Variants in TMPRSS13 observed in about 807,000 individuals in gnomAD.
TMPRSS13 encodes transmembrane protease serine 13.
In TMPRSS13, 50 loss-of-function variants were observed where a neutral mutation model predicts 68.4. The observed-to-expected ratio is 0.73, with a 90% CI of 0.58 to 0.93. TMPRSS13 has a LOEUF of 0.93. Among genes scored for constraint, TMPRSS13 ranks in the 40% least tolerant of loss-of-function variants. The pLI is 0.00. For missense variants in TMPRSS13, 615 were observed against 729.2 expected (o/e 0.84, Z 1.80); for synonymous variants, 267 against 285.8 (o/e 0.93, Z 0.66).
intron 9 of TMPRSS13, chr11:117,907,526 G>A (rs1035908382): frequency 6.6e-6 from 1 of 152,320 alleles, no homozygotes; most frequent in African/African-American, 2.4e-5. Context: ...AGAATGGCTG[G>A]ACTAACCAGA....
chr11:117,910,680 C>G (rs768002108), intron 7 of TMPRSS13, 27 bp downstream of exon 7: 6 of 1,602,200 alleles, frequency 3.7e-6, no homozygotes, highest in Middle Eastern at 1.7e-4. Context: ...CGACACTGGC[C>G]ACAATCCAAG....
intron 8 of TMPRSS13, 60 bp from the exon 9 acceptor site, chr11:117,908,844 C>G (rs888100010): frequency 6.7e-7 from 1 of 1,487,540 alleles, no homozygotes; most frequent in Non-Finnish European, 9.0e-7. Context: ...ACTGGCAGCC[C>G]CTGCTACCTA....
chr11:117,923,229 A>G lies in TMPRSS13; in HGVS notation c.22-4391T>C, dbSNP rs151005355. On this transcript the variant is annotated intron_variant, in intron 1 of 12. Transcript: ENST00000524993. Reference sequence around the variant, plus strand: ...GGAGGGACTAAACCCAAGGCCCCCCACTTCCAGCCCAGGGGTCTCGACACC... The same window carrying G: ...GGAGGGACTAAACCCAAGGCCCCCCGCTTCCAGCCCAGGGGTCTCGACACC... Among the ~76,000 whole-genome samples, 337 of 152,342 alleles carry G rather than the reference A, an allele frequency of 2.2e-3. 1 individual carries two copies. Among genetic ancestry groups the G allele is most frequent in the African/African-American group, 6.5e-3 (271 of 41,582 alleles).
Position 117,905,716 on chromosome 11 carries a change from G to T in TMPRSS13, c.1303C>A (p.Leu435Ile). Reference sequence around the variant, plus strand: ...CTAAAGGTCTGTCCATGCATGGGGAGGCAAGCAGGGTGGATGTGAGCTGCA... The same window carrying T: ...CTAAAGGTCTGTCCATGCATGGGGATGCAAGCAGGGTGGATGTGAGCTGCA... ...TLSAHIHPAC[L>I]PMHGQTFSLN... The change falls in exon 10 of 13, where the codon CTC becomes ATC. Residue 435 changes from leucine (L) to isoleucine (I), a missense_variant. By Grantham distance (5) the Leu-to-Ile change is conservative. Coordinates refer to ENST00000524993, the MANE Select transcript of TMPRSS13 (RefSeq NM_001077263.3). 1 of 1,602,540 alleles carries T rather than the reference G, an allele frequency of 6.2e-7. No homozygotes were observed. Among genetic ancestry groups the T allele is most frequent in the South Asian group, 1.1e-5 (1 of 89,064 alleles).
At chr11:117,918,881 C>T (rs1460352160) in intron 1 of TMPRSS13, 43 bp from the exon 2 acceptor site, 2 of 1,605,272 alleles carry the variant, frequency 1.2e-6, no homozygotes, top group Admixed American at 1.7e-5. Context: ...GCTCCCCTGC[C>T]AACCCACCCC....
At chr11:117,908,960 A>G (rs2057492706) in intron 8 of TMPRSS13, among the ~76,000 whole-genome samples, 176 bp from the exon 9 acceptor site, 1 of 152,166 alleles carries the variant, frequency 6.6e-6, no homozygotes, top group Admixed American at 6.5e-5. Flanking sequence ...AATCCCCCAC[A>G]GCCCCTCAAA....
intron 5 of TMPRSS13, among the ~76,000 whole-genome samples, chr11:117,912,136 A>G (rs898867140): frequency 2.0e-5 from 3 of 152,108 alleles, no homozygotes; most frequent in Admixed American, 6.6e-5. Context: ...TAGCATTAGC[A>G]TTGCCTGGGA....
chr11:117,905,056 A>G (rs1042059422), intron 10 of TMPRSS13, among the ~76,000 whole-genome samples: 5 of 151,026 alleles, frequency 3.3e-5, no homozygotes, highest in African/African-American at 1.2e-4. Flanking sequence ...CACCATGCCC[A>G]GCTAATTTTT....
At chr11:117,927,167 C>A (rs2057715534) in intron 1 of TMPRSS13, among the ~76,000 whole-genome samples, 1 of 152,224 alleles carries the variant, frequency 6.6e-6, no homozygotes, top group Admixed American at 6.5e-5. Flanking sequence ...CTGTACCTCA[C>A]TTCCTTTTTC....
Position 117,914,610 on chromosome 11 carries a change from T to C in TMPRSS13, c.557-96A>G. 4.5e-6 allele frequency: 7 copies of C among 1,566,356 alleles called. No homozygotes were observed. Among genetic ancestry groups the C allele is most frequent in the Non-Finnish European group, 6.0e-6 (7 of 1,160,540 alleles). On this transcript the variant is annotated intron_variant, in intron 3 of 12. Transcript: ENST00000524993. This position sits in a 1 kb window ranked among gnomAD's most constrained non-coding sequence, Gnocchi z 4.2. Reference sequence around the variant, plus strand: ...ACCTGGGGGTTCTGAGACACCGACCTGCAATCCCTCTTGAACTCTGGGGCT... The same window carrying C: ...ACCTGGGGGTTCTGAGACACCGACCCGCAATCCCTCTTGAACTCTGGGGCT...
rs115017742 is a variant in TMPRSS13, at chr11:117,928,088, T to C, written c.21+1199A>G. ...CCGGATAGCTCAGCCCTTCTCACTC[T>C]TGGGTTTAGGGACCATCTAGTTTAG... is the stretch of plus-strand genomic sequence containing the variant. On this transcript the variant is annotated intron_variant, in intron 1 of 12. Transcript: ENST00000524993. Among the ~76,000 whole-genome samples the C allele has an allele frequency of 6.5e-3, 995 of 152,296 alleles. 16 individuals carry two copies. Among genetic ancestry groups the C allele is most frequent in the African/African-American group, 0.023 (941 of 41,580 alleles).
intron 6 of TMPRSS13, 63 bp downstream of exon 6, chr11:117,911,705 A>T: frequency 7.1e-7 from 1 of 1,402,628 alleles, no homozygotes; most frequent in Non-Finnish European, 1.0e-6. Flanking sequence ...CCTGACTCAA[A>T]GACCCTCTCC....
At chr11:117,908,185 T>A in intron 9 of TMPRSS13, 1 of 606,504 alleles carries the variant, frequency 1.6e-6, no homozygotes, top group Non-Finnish European at 2.4e-6. Flanking sequence ...TATCTCTCTG[T>A]AAAGCTCCAT....
At chr11:117,905,998 G>C (rs2057461432) in intron 9 of TMPRSS13, among the ~76,000 whole-genome samples, 1 of 152,236 alleles carries the variant, frequency 6.6e-6, no homozygotes, top group African/African-American at 2.4e-5. Context: ...CCTGTGGTCA[G>C]ATGCGTAAGC....
Position 117,913,767 on chromosome 11 carries a change from T to A in TMPRSS13, c.809+10A>T. 1 of 1,613,672 alleles carries A rather than the reference T, an allele frequency of 6.2e-7. No homozygotes were observed. Reference sequence around the variant, plus strand: ...TGAAGCCTGGACTCTGGGGCCAGGTTGGGGGTTACCTCTCGAAACCCAGCT... The same window carrying A: ...TGAAGCCTGGACTCTGGGGCCAGGTAGGGGGTTACCTCTCGAAACCCAGCT... On this transcript the variant is annotated intron_variant, in intron 5 of 12. Coordinates refer to ENST00000524993, the MANE Select transcript of TMPRSS13 (RefSeq NM_001077263.3).
Position 117,904,107 on chromosome 11 carries a change from G to C in TMPRSS13, c.1382-6C>G. ...GAGGAAGGGGGATGTCTTGTCTTCA[G>C]TGAAGTGGGGTGGAGGAGACAGAGG... On this transcript the variant is annotated splice_region_variant and splice_polypyrimidine_tract_variant and intron_variant, in intron 10 of 12. Transcript: ENST00000524993. 1 of 1,613,472 alleles carries C rather than the reference G, an allele frequency of 6.2e-7. No individual in the cohort carries two copies.
chr11:117,911,990 T>G, intron 5 of TMPRSS13, 130 bp from the exon 6 acceptor site: 1 of 679,656 alleles, frequency 1.5e-6, no homozygotes, highest in Non-Finnish European at 2.5e-6. Context: ...GGTGGCCAAC[T>G]CCTCCAAGCA....
rs771952472 is a variant in TMPRSS13, at chr11:117,909,942, G to T, written c.973C>A (p.Arg325=). 1 of 1,614,098 alleles carries T rather than the reference G, an allele frequency of 6.2e-7. No homozygotes were observed. The highest frequency in any genetic ancestry group is 8.5e-7 in the Non-Finnish European group (1 of 1,179,988). Residue 325 remains arginine, a synonymous_variant, in exon 8 of 13, where the codon CGG becomes AGG. Coordinates refer to ENST00000524993, the MANE Select transcript of TMPRSS13 (RefSeq NM_001077263.3). Reference sequence around the variant, plus strand: ...GAGGCCAGCGCCCCTCCCACGATCCGCCCGGTCATGGCCCTCAGTCCGCAG... The same window carrying T: ...GAGGCCAGCGCCCCTCCCACGATCCTCCCGGTCATGGCCCTCAGTCCGCAG... The part of the protein sequence containing the change: ...SHCGLRAMTG[R]IVGGALASDS...
chr11:117,902,276 G>T lies in TMPRSS13; in HGVS notation c.1678-11C>A, dbSNP rs779361560. 1.2e-6 allele frequency: 2 copies of T among 1,613,486 alleles called. No individual in the cohort carries two copies. The highest frequency in any genetic ancestry group is 1.7e-6 in the Non-Finnish European group (2 of 1,179,864). ...GAATCGCACCTCGCTCTGAGGAAGAGAATGGGAGAAGAGGGTGAGGGTGGG... is the reference window on the plus strand; with the variant it reads ...GAATCGCACCTCGCTCTGAGGAAGATAATGGGAGAAGAGGGTGAGGGTGGG... On this transcript the variant is annotated splice_polypyrimidine_tract_variant and intron_variant, in intron 12 of 12. Coordinates refer to ENST00000524993, the MANE Select transcript of TMPRSS13 (RefSeq NM_001077263.3).
Sources: gnomAD v4.1 joint callset for allele counts (sites outside exome capture counted in the v4.1 genomes callset) on GRCh38, gnomAD v4.1.1 for gene constraint, Gnocchi (gnomAD v3.1) non-coding constraint, MANE v1.5 for transcripts, NCBI Gene and HGNC (gene_info 2026-07-23, HGNC 2026-07-21) for gene names.